ANKRD44: variants seen among roughly 807,000 people sequenced by gnomAD.
The protein encoded by ANKRD44 is serine/threonine-protein phosphatase 6 regulatory ankyrin repeat subunit B.
In ANKRD44, 35 loss-of-function variants were observed where a neutral mutation model predicts 116.0. The ratio of observed to expected loss-of-function variants is 0.30; its 90% confidence interval spans 0.23 to 0.40. The LOEUF (loss-of-function observed/expected upper bound fraction) is 0.40, where lower values mean the gene tolerates loss of function less well. Ranked by LOEUF, ANKRD44 falls within the 10% of genes least tolerant of loss-of-function variation. ANKRD44 has a pLI of 1.00. For synonymous variants in ANKRD44, 435 were observed against 461.8 expected (o/e 0.94, Z 0.74); for missense variants, 1,014 against 1,242.6 (o/e 0.82, Z 2.77).
intron 1 of ANKRD44, among the ~76,000 whole-genome samples, chr2:197,284,830 G>A (rs1257735799): frequency 6.6e-6 from 1 of 151,284 alleles, no homozygotes; most frequent in African/African-American, 2.4e-5. Context: ...AGGTTACAGT[G>A]GGCCGAGATT....
intron 1 of ANKRD44, among the ~76,000 whole-genome samples, chr2:197,271,086 T>C (rs1173363859): frequency 6.6e-6 from 1 of 152,174 alleles, no homozygotes; most frequent in Non-Finnish European, 1.5e-5. Flanking sequence ...TTCTTAAAGA[T>C]TTTTTAACAA....
chr2:197,154,892 A>G (rs1217460705), intron 2 of ANKRD44, among the ~76,000 whole-genome samples: 1 of 152,184 alleles, frequency 6.6e-6, no homozygotes, highest in East Asian at 1.9e-4. Flanking sequence ...ATTGTAACCC[A>G]TTCATTTGAA....
intron 13 of ANKRD44, among the ~76,000 whole-genome samples, chr2:197,083,781 G>A (rs1340427877): frequency 6.6e-6 from 1 of 152,164 alleles, no homozygotes; most frequent in Non-Finnish European, 1.5e-5. Context: ...CGAACATTTT[G>A]TCAGTGTCCC....
chr2:196,990,331 C>T (rs940090022), intron 27 of ANKRD44: 4 of 997,638 alleles, frequency 4.0e-6, no homozygotes, highest in Non-Finnish European at 4.8e-6. Flanking sequence ...GAACTCACTG[C>T]TAAATACATG....
intron 2 of ANKRD44, among the ~76,000 whole-genome samples, chr2:197,164,484 A>T (rs1038302523): frequency 8.5e-5 from 13 of 152,268 alleles, no homozygotes; most frequent in African/African-American, 2.9e-4. Context: ...CCCCAGCTGA[A>T]GAGCAGCGCT....
chr2:197,276,310 G>C (rs1037100487), intron 1 of ANKRD44, among the ~76,000 whole-genome samples: 4 of 131,532 alleles, frequency 3.0e-5, no homozygotes, highest in African/African-American at 1.1e-4. Flanking sequence ...ATTAAAAAAA[G>C]AACTTTGCTA....
rs1476695788 is a variant in ANKRD44, at chr2:196,987,018, A to G, written c.*2573T>C. 1 of 985,234 alleles carries G rather than the reference A, an allele frequency of 1.0e-6. No homozygotes were observed. Among genetic ancestry groups the G allele is most frequent in the African/African-American group, 1.7e-5 (1 of 57,262 alleles). The allele number at this position is 985,234 out of a possible 1,614,324, so 61.0% of individuals were successfully genotyped here. A position where few individuals can be genotyped will look rare whatever the true frequency, so the allele number is the denominator to read the frequency against. ...GTATCATCGTGCTTTACAAAGATAT[A>G]TTGCACATGCTAGAGCATAAAATAT... is the stretch of plus-strand genomic sequence containing the variant. On this transcript the variant is annotated 3_prime_UTR_variant, in exon 28 of 28. Transcript: ENST00000282272.
chr2:197,302,114 T>C (rs947947503), intron 1 of ANKRD44: 4 of 153,150 alleles, frequency 2.6e-5, no homozygotes, highest in African/African-American at 9.7e-5. Context: ...GTTCACTAAA[T>C]AGGAGGAGGC....
chr2:196,970,033 G>A (rs554524051), intron 21 of ANKRD44, among the ~76,000 whole-genome samples: 8 of 152,182 alleles, frequency 5.3e-5, no homozygotes, highest in African/African-American at 1.9e-4. Context: ...GGAGATAGGG[G>A]GACTTTAAAA....
At chr2:197,149,840 G>A (rs2079597621) in intron 2 of ANKRD44, among the ~76,000 whole-genome samples, 1 of 152,156 alleles carries the variant, frequency 6.6e-6, no homozygotes, top group Non-Finnish European at 1.5e-5. Context: ...CTCTGCCTAG[G>A]TAGAAGGCCA....
intron 9 of ANKRD44, among the ~76,000 whole-genome samples, chr2:197,101,988 C>T (rs2078304490): frequency 1.3e-5 from 2 of 152,056 alleles, no homozygotes; most frequent in Admixed American, 1.3e-4. Flanking sequence ...TCTTCATCCT[C>T]ATACACAACC....
At chr2:197,207,145 A>G (rs1156456032) in intron 1 of ANKRD44, among the ~76,000 whole-genome samples, 1 of 152,226 alleles carries the variant, frequency 6.6e-6, no homozygotes, top group South Asian at 2.1e-4. Flanking sequence ...GGTGCTGAAG[A>G]AGCAAGTTTG....
chr2:197,239,420 G>C (rs2082044020), intron 1 of ANKRD44, among the ~76,000 whole-genome samples: 1 of 151,992 alleles, frequency 6.6e-6, no homozygotes, highest in Non-Finnish European at 1.5e-5. Context: ...TTGTAGACAT[G>C]GGGTTTCACT....
intron 16 of ANKRD44, among the ~76,000 whole-genome samples, chr2:197,051,097 G>T (rs1157966368): frequency 6.6e-6 from 1 of 151,440 alleles, no homozygotes; most frequent in East Asian, 2.0e-4. Context: ...CAGGTAGCTG[G>T]GACTACAGGC....
At chr2:197,211,351 C>A (rs981769862) in intron 1 of ANKRD44, among the ~76,000 whole-genome samples, 1 of 152,174 alleles carries the variant, frequency 6.6e-6, no homozygotes, top group Non-Finnish European at 1.5e-5. Flanking sequence ...GTGTTTTCTG[C>A]ATATCCCAGT....
At chr2:197,169,880 TA>T (rs2080185043) in intron 2 of ANKRD44, among the ~76,000 whole-genome samples, 1 of 151,904 alleles carries the variant, frequency 6.6e-6, no homozygotes, top group African/African-American at 2.4e-5. Context: ...TCCCAGCTGT[TA>T]AAAATTTTTT....
intron 1 of ANKRD44, among the ~76,000 whole-genome samples, chr2:197,286,239 T>C (rs528049729): frequency 6.6e-6 from 1 of 152,368 alleles, no homozygotes; most frequent in Admixed American, 6.5e-5. Context: ...ACTGTCTCAA[T>C]TTGAAAGCAA....
At chr2:197,223,162 G>A (rs2081622543) in intron 1 of ANKRD44, among the ~76,000 whole-genome samples, 1 of 152,136 alleles carries the variant, frequency 6.6e-6, no homozygotes, top group African/African-American at 2.4e-5. Flanking sequence ...ATACAAAACA[G>A]TTTAGATAAT....
At chr2:197,211,102 G>A (rs1442069767) in intron 1 of ANKRD44, among the ~76,000 whole-genome samples, 1 of 152,186 alleles carries the variant, frequency 6.6e-6, no homozygotes, top group Non-Finnish European at 1.5e-5. Context: ...GGCTGCAGCT[G>A]CTCTCTAAGG....
Sources: gnomAD v4.1 joint callset for allele counts (sites outside exome capture counted in the v4.1 genomes callset) on GRCh38, gnomAD v4.1.1 for gene constraint, MANE v1.5 for transcripts, NCBI Gene and HGNC (gene_info 2026-07-23, HGNC 2026-07-21) for gene names.